Variants in INPP4B observed in about 807,000 individuals in gnomAD.
The protein encoded by INPP4B is inositol polyphosphate 4-phosphatase type II.
Under a neutral mutation model 122.5 loss-of-function variants are expected in INPP4B, and 55 were observed. That is an observed-to-expected ratio of 0.45 (90% CI 0.36 to 0.56). The LOEUF is 0.56. INPP4B is among the 20% of genes least tolerant of loss of function. The pLI is 0.00. For missense variants in INPP4B, 1,000 were observed against 1,097.7 expected (o/e 0.91, Z 1.26); for synonymous variants, 403 against 388.7 (o/e 1.04, Z -0.43).
chr4:142,422,159 T>C (rs1044842903), intron 5 of INPP4B, among the ~76,000 whole-genome samples: 2 of 152,110 alleles, frequency 1.3e-5, no homozygotes, highest in African/African-American at 2.4e-5. Context: ...CTCACTACTT[T>C]ACCAGTTTAA....
At chr4:142,133,887 C>T (rs1363074113) in intron 18 of INPP4B, among the ~76,000 whole-genome samples, 2 of 152,236 alleles carry the variant, frequency 1.3e-5, no homozygotes, top group Non-Finnish European at 2.9e-5. Context: ...ATGAGACCTA[C>T]ATCGCCTACT....
rs1736598029 is a variant in INPP4B at position 142,025,008 on chromosome 4, C to T, written c.*3774G>A. ...AACATTTATATAACCAAAATTATAG[C>T]CATCTGAAGATAAGGGATTGCATTT... is the stretch of plus-strand genomic sequence containing the variant. On this transcript the variant is annotated 3_prime_UTR_variant, in exon 26 of 26. Transcript: ENST00000262992. The T allele has an allele frequency of 6.6e-6, 1 of 151,938 alleles. No homozygotes were observed. The highest frequency in any genetic ancestry group is 1.5e-5 in the Non-Finnish European group (1 of 67,994). 9.4% of individuals were successfully genotyped at this position (151,938 alleles called of 1,614,324 possible). A position where few individuals can be genotyped will look rare whatever the true frequency, so the allele number is the denominator to read the frequency against.
intron 2 of INPP4B, among the ~76,000 whole-genome samples, chr4:142,644,899 C>G (rs996429418): frequency 7.7e-5 from 9 of 116,516 alleles, no homozygotes; most frequent in Non-Finnish European, 1.4e-4. Context: ...GAGCAAGACT[C>G]CATCTCAAAA....
chr4:142,103,483 C>T (rs1008279719), intron 23 of INPP4B, among the ~76,000 whole-genome samples: 3 of 151,890 alleles, frequency 2.0e-5, no homozygotes, highest in African/African-American at 7.3e-5. Flanking sequence ...AAATCTGTGA[C>T]AATGCATAAC....
intron 2 of INPP4B, among the ~76,000 whole-genome samples, chr4:142,656,138 C>T (rs1286567213): frequency 6.6e-6 from 1 of 152,186 alleles, no homozygotes; most frequent in Admixed American, 6.5e-5. Flanking sequence ...GGCCCCTCTG[C>T]TTCCTGTGTG....
chr4:142,705,455 CCAAA>C (rs1409388791), intron 2 of INPP4B, among the ~76,000 whole-genome samples: 2 of 93,000 alleles, frequency 2.2e-5, no homozygotes, highest in Admixed American at 1.3e-4. Context: ...CATTCCCACC[CCAAA>C]CACACACACA....
intron 3 of INPP4B, among the ~76,000 whole-genome samples, chr4:142,450,426 G>A (rs1273314470): frequency 5.3e-5 from 8 of 152,156 alleles, no homozygotes; most frequent in Admixed American, 2.6e-4. Context: ...ACATGCAGAG[G>A]GAGAAGGAGG....
chr4:142,368,841 T>A (rs913202616), intron 7 of INPP4B, among the ~76,000 whole-genome samples: 2 of 152,010 alleles, frequency 1.3e-5, no homozygotes, highest in African/African-American at 2.4e-5. Context: ...TGCCCAATCA[T>A]CTAGGAAGAA....
rs112422071 is a variant in INPP4B, at chr4:142,604,508, G to A, written c.-191+121331C>T. ...ACTCCAACAGAAAACTCCTAGAACT[G>A]CAAATAAATTCTGTAAAGTTGCAGG... is the stretch of plus-strand genomic sequence containing the variant. On this transcript the variant is annotated intron_variant, in intron 2 of 25. Coordinates refer to ENST00000262992, the MANE Select transcript of INPP4B (RefSeq NM_001101669.3). 2.0e-3 allele frequency among the ~76,000 whole-genome samples: 301 copies of A among 152,094 alleles called. 1 individual carries two copies. Among genetic ancestry groups the A allele is most frequent in the Middle Eastern group, 3.4e-3 (1 of 294 alleles).
intron 9 of INPP4B, among the ~76,000 whole-genome samples, chr4:142,293,971 A>G (rs1757504481): frequency 6.6e-6 from 1 of 152,344 alleles, no homozygotes; most frequent in Admixed American, 6.5e-5. Flanking sequence ...GTTCTCACTT[A>G]TAAGTGGGAG....
chr4:142,250,355 T>A lies in INPP4B; in HGVS notation c.688+10137A>T, dbSNP rs377212475. Among the ~76,000 whole-genome samples the A allele has an allele frequency of 3.4e-4, 52 of 152,344 alleles. 1 individual carries two copies. In the East Asian group the frequency reaches 5.4e-3, roughly 16 times the overall value. On this transcript the variant is annotated intron_variant, in intron 11 of 25. Transcript: ENST00000262992. Reference sequence around the variant, plus strand: ...TAAATAGAATAGTGACGAACTGATATAAGATATGACATTCTCTCCCACTCA... The same window carrying A: ...TAAATAGAATAGTGACGAACTGATAAAAGATATGACATTCTCTCCCACTCA...
intron 10 of INPP4B, among the ~76,000 whole-genome samples, chr4:142,264,695 C>T (rs1342882062): frequency 6.6e-6 from 1 of 152,088 alleles, no homozygotes; most frequent in Non-Finnish European, 1.5e-5. Context: ...ATTCCATGCT[C>T]TGGAATTTAA....
intron 2 of INPP4B, among the ~76,000 whole-genome samples, chr4:142,506,896 C>T (rs1018817589): frequency 1.3e-5 from 2 of 152,162 alleles, no homozygotes; most frequent in Non-Finnish European, 2.9e-5. Flanking sequence ...GGAGATCCAA[C>T]AAAGCCTGTT....
intron 1 of INPP4B, among the ~76,000 whole-genome samples, chr4:142,822,875 C>A (rs368434094): frequency 6.6e-6 from 1 of 152,130 alleles, no homozygotes; most frequent in Non-Finnish European, 1.5e-5. Context: ...CAAACAATTC[C>A]AAAATCTTCC....
chr4:142,070,184 A>G (rs6821927), intron 25 of INPP4B, among the ~76,000 whole-genome samples: 1 of 152,204 alleles, frequency 6.6e-6, no homozygotes, highest in Non-Finnish European at 1.5e-5. Context: ...GGTTCAACAT[A>G]CGCAAATTAA....
intron 12 of INPP4B, among the ~76,000 whole-genome samples, chr4:142,221,167 A>T (rs2149701561): frequency 6.6e-6 from 1 of 152,230 alleles, no homozygotes; most frequent in South Asian, 2.1e-4. Flanking sequence ...TGGGAGGCCG[A>T]GGCGAGTGGA....
chr4:142,642,157 C>G (rs564297156), intron 2 of INPP4B, among the ~76,000 whole-genome samples: 3 of 152,206 alleles, frequency 2.0e-5, no homozygotes, highest in African/African-American at 7.2e-5. Context: ...TTTGTAGATT[C>G]TGGATATTAC....
chr4:142,211,571 A>G (rs1237074176), intron 12 of INPP4B, among the ~76,000 whole-genome samples: 2 of 152,240 alleles, frequency 1.3e-5, no homozygotes, highest in East Asian at 1.9e-4. Flanking sequence ...AAGGTGGTAC[A>G]TGACTGAGCT....
intron 18 of INPP4B, among the ~76,000 whole-genome samples, chr4:142,137,215 C>T (rs1297905443): frequency 6.6e-6 from 1 of 151,616 alleles, no homozygotes; most frequent in Non-Finnish European, 1.5e-5. Flanking sequence ...GAACAGAGCC[C>T]TCAGAAATAA....
Sources: allele counts gnomAD v4.1 joint callset (sites outside exome capture counted in the v4.1 genomes callset), GRCh38; gene constraint gnomAD v4.1.1; transcripts MANE v1.5; gene names NCBI Gene and HGNC (gene_info 2026-07-23, HGNC 2026-07-21).